FHIT: variants seen among roughly 807,000 people sequenced by gnomAD.
FHIT encodes the protein bis(5'-adenosyl)-triphosphatase.
FHIT carries 19 observed loss-of-function variants against 17.9 expected under a neutral mutation model. The observed-to-expected ratio is 1.06, with a 90% CI of 0.74 to 1.56. The LOEUF is 1.56. Ranked by LOEUF, FHIT falls within the 40% of genes most tolerant of loss-of-function variation. The pLI is 0.00. For synonymous variants in FHIT, 81 were observed against 69.7 expected (o/e 1.16, Z -0.81); for missense variants, 248 against 189.2 (o/e 1.31, Z -1.82).
chr3:60,985,079 G>A (rs1710662932), intron 3 of FHIT, among the ~76,000 whole-genome samples: 1 of 152,110 alleles, frequency 6.6e-6, no homozygotes, highest in Non-Finnish European at 1.5e-5. Context: ...AGAAACCACT[G>A]TATGTGCCCC....
At chr3:59,914,096 A>C (rs1442163143) in intron 8 of FHIT, among the ~76,000 whole-genome samples, 2 of 152,252 alleles carry the variant, frequency 1.3e-5, no homozygotes, top group Admixed American at 6.5e-5. Context: ...AAACAAGTAC[A>C]AAGAAACAGG....
At chr3:61,196,891 G>A (rs1300096234) in intron 2 of FHIT, among the ~76,000 whole-genome samples, 1 of 152,174 alleles carries the variant, frequency 6.6e-6, no homozygotes, top group East Asian at 1.9e-4. Context: ...GTGTTCCCAG[G>A]TCTTCATCCA....
chr3:60,528,476 C>G (rs1392119725), intron 5 of FHIT, among the ~76,000 whole-genome samples: 1 of 151,918 alleles, frequency 6.6e-6, no homozygotes, highest in Non-Finnish European at 1.5e-5. Flanking sequence ...CTCAGTATCC[C>G]CCATGCTACA....
intron 8 of FHIT, among the ~76,000 whole-genome samples, chr3:59,852,404 A>C (rs966562865): frequency 2.0e-5 from 3 of 152,212 alleles, no homozygotes; most frequent in African/African-American, 7.2e-5. Context: ...GGTTTACAGC[A>C]AAACTGATAG....
intron 5 of FHIT, among the ~76,000 whole-genome samples, chr3:60,326,447 G>T (rs1259443748): frequency 1.4e-5 from 2 of 147,754 alleles, no homozygotes; most frequent in East Asian, 4.1e-4. Context: ...ATCTAATCCT[G>T]CCGCTAATCT....
At position 60,224,615 on chromosome 3, in the gene FHIT, T is replaced by C. The variant is rs368793121; in HGVS notation, c.104-210463A>G. On this transcript the variant is annotated intron_variant, in intron 5 of 9. Coordinates refer to ENST00000492590, the MANE Select transcript of FHIT (RefSeq NM_002012.4). The stretch of plus-strand genomic sequence containing the variant: ...TTATCCCTCTCTAAAGCATCCTCTT[T>C]TGGACAACAAATTATATGTCCACCC... Among the ~76,000 whole-genome samples the C allele has an allele frequency of 4.6e-5, 7 of 152,296 alleles. No individual in the cohort carries two copies. The East Asian group carries it at 7.7e-4, about 17-fold the overall frequency.
At chr3:60,588,992 G>A (rs965021468) in intron 4 of FHIT, among the ~76,000 whole-genome samples, 1 of 151,978 alleles carries the variant, frequency 6.6e-6, no homozygotes, top group African/African-American at 2.4e-5. Flanking sequence ...GTCCAGGAAA[G>A]AATAAAGACA....
At chr3:60,235,606 G>C (rs570024970) in intron 5 of FHIT, among the ~76,000 whole-genome samples, 11 of 152,146 alleles carry the variant, frequency 7.2e-5, no homozygotes, top group Non-Finnish European at 1.6e-4. Context: ...TACAGACTCA[G>C]ACTTAACCTC....
chr3:59,861,020 A>C (rs548598412), intron 8 of FHIT, among the ~76,000 whole-genome samples: 1 of 152,172 alleles, frequency 6.6e-6, no homozygotes, highest in Non-Finnish European at 1.5e-5. Context: ...GGGGAGTCTG[A>C]TGGACAAAGC....
chr3:59,996,340 A>G (rs1368943174), intron 7 of FHIT, among the ~76,000 whole-genome samples: 1 of 152,050 alleles, frequency 6.6e-6, no homozygotes, highest in Non-Finnish European at 1.5e-5. Context: ...GACTTGCCTC[A>G]AGATTCACCC....
At chr3:59,956,091 T>C (rs982194853) in intron 7 of FHIT, among the ~76,000 whole-genome samples, 1 of 152,240 alleles carries the variant, frequency 6.6e-6, no homozygotes, top group Non-Finnish European at 1.5e-5. Flanking sequence ...GCATTTCTAC[T>C]TGCCTATTTT....
At chr3:60,346,319 T>C (rs1001678481) in intron 5 of FHIT, among the ~76,000 whole-genome samples, 13 of 152,222 alleles carry the variant, frequency 8.5e-5, no homozygotes, top group Admixed American at 3.3e-4. Flanking sequence ...CTTTCTGTTT[T>C]CACTGATCTG....
chr3:60,485,111 T>C (rs2033779060), intron 5 of FHIT, among the ~76,000 whole-genome samples: 1 of 152,310 alleles, frequency 6.6e-6, no homozygotes, highest in Non-Finnish European at 1.5e-5. Context: ...AGATACCATC[T>C]GAAGTCAGTC....
intron 5 of FHIT, among the ~76,000 whole-genome samples, chr3:60,220,748 CA>C (rs1440670882): frequency 2.6e-5 from 4 of 152,018 alleles, no homozygotes; most frequent in African/African-American, 9.7e-5. Context: ...ATCATGGCAC[CA>C]AAAATCTTGT....
At chr3:60,801,599 T>C (rs928932937) in intron 4 of FHIT, among the ~76,000 whole-genome samples, 1 of 152,246 alleles carries the variant, frequency 6.6e-6, no homozygotes, top group Non-Finnish European at 1.5e-5. Context: ...CATTTTCAGT[T>C]AGGCACGTCA....
At chr3:61,037,433 T>C (rs1331709058) in intron 3 of FHIT, among the ~76,000 whole-genome samples, 1 of 152,194 alleles carries the variant, frequency 6.6e-6, no homozygotes, top group African/African-American at 2.4e-5. Flanking sequence ...TACCAGATGA[T>C]ATTAGATGGT....
intron 1 of FHIT, among the ~76,000 whole-genome samples, chr3:61,238,405 C>T (rs1481910972): frequency 6.6e-6 from 1 of 152,178 alleles, no homozygotes; most frequent in African/African-American, 2.4e-5. Context: ...ACTCACCCTG[C>T]ATAAGGACCA....
At chr3:60,023,969 T>C (rs1700645632) in intron 5 of FHIT, among the ~76,000 whole-genome samples, 1 of 145,218 alleles carries the variant, frequency 6.9e-6, no homozygotes, top group Admixed American at 6.9e-5. Context: ...ATGTAAACCA[T>C]TAAGAAAAAT....
chr3:60,291,437 T>A (rs1383926987), intron 5 of FHIT, among the ~76,000 whole-genome samples: 1 of 152,136 alleles, frequency 6.6e-6, no homozygotes, highest in Non-Finnish European at 1.5e-5. Context: ...CCCGTTTCTT[T>A]ACTGTACATA....
Sources: allele counts gnomAD v4.1 joint callset (sites outside exome capture counted in the v4.1 genomes callset), GRCh38; gene constraint gnomAD v4.1.1; transcripts MANE v1.5; gene names NCBI Gene and HGNC (gene_info 2026-07-23, HGNC 2026-07-21).